Variants in AVEN observed in about 807,000 individuals in gnomAD.
The protein encoded by AVEN is cell death regulator Aven.
Under a neutral mutation model 38.1 loss-of-function variants are expected in AVEN, and 41 were observed. That is an observed-to-expected ratio of 1.08 (90% CI 0.84 to 1.40). AVEN has a LOEUF of 1.40. Ranked by LOEUF, AVEN falls within the 40% of genes most tolerant of loss-of-function variation. The pLI is 0.00. For synonymous variants in AVEN, 206 were observed against 171.8 expected (o/e 1.20, Z -1.56); for missense variants, 605 against 438.8 (o/e 1.38, Z -3.38).
chr15:33,881,930 G>C (rs1891501988), intron 2 of AVEN, among the ~76,000 whole-genome samples: 1 of 152,172 alleles, frequency 6.6e-6, no homozygotes, highest in Non-Finnish European at 1.5e-5. Context: ...AGTTGACAAG[G>C]GAACAAACAT....
At chr15:34,061,760 C>G (rs1429608499) in intron 5 of AVEN, among the ~76,000 whole-genome samples, 1 of 152,148 alleles carries the variant, frequency 6.6e-6, no homozygotes, top group African/African-American at 2.4e-5. Flanking sequence ...TCTTCAGCAG[C>G]TGGGGCAAAT....
chr15:33,867,964 C>T (rs1290792578), intron 4 of AVEN, 109 bp from the exon 5 acceptor site: 2 of 1,404,378 alleles, frequency 1.4e-6, no homozygotes, highest in Non-Finnish European at 1.9e-6. Flanking sequence ...ACAGAGGAAA[C>T]TCAATTCAGA....
At chr15:34,029,225 T>C (rs1898646406) in intron 1 of AVEN, among the ~76,000 whole-genome samples, 1 of 152,152 alleles carries the variant, frequency 6.6e-6, no homozygotes, top group Admixed American at 6.6e-5. Flanking sequence ...AAAAACCCTC[T>C]ACTTTAAGTT....
chr15:33,875,839 G>T, intron 3 of AVEN, 86 bp downstream of exon 3: 2 of 1,289,308 alleles, frequency 1.6e-6, no homozygotes, highest in Non-Finnish European at 1.1e-6. Flanking sequence ...TTTTCTACAT[G>T]AAGACTCTAT....
intron 2 of AVEN, among the ~76,000 whole-genome samples, chr15:33,888,720 A>T (rs1047488752): frequency 3.3e-5 from 5 of 152,134 alleles, no homozygotes; most frequent in African/African-American, 1.2e-4. Flanking sequence ...TTAATTTTAA[A>T]TTGCCTATGG....
At chr15:33,854,580 G>C (rs1294006044), downstream of AVEN, 6 of 1,056,296 alleles carry the variant, frequency 5.7e-6, no homozygotes, top group Non-Finnish European at 8.2e-6. Flanking sequence ...ATACGTGCTG[G>C]GGGAACACTT....
At chr15:33,969,425 A>G (rs1244602896) in intron 2 of AVEN, among the ~76,000 whole-genome samples, 3 of 152,022 alleles carry the variant, frequency 2.0e-5, no homozygotes, top group African/African-American at 4.8e-5. Flanking sequence ...TAATAGCTTG[A>G]AAAAAATGCA....
chr15:33,944,578 G>A lies in AVEN; in HGVS notation c.445+58454C>T, dbSNP rs577449786. ...TAATCCCAGCACTTTGGGAGGCCGAGGCGGGTGGATCACGAGGTCAGGAGA... is the reference window on the plus strand; with the variant it reads ...TAATCCCAGCACTTTGGGAGGCCGAAGCGGGTGGATCACGAGGTCAGGAGA... On this transcript the variant is annotated intron_variant, in intron 2 of 5. Transcript: ENST00000306730. Among the ~76,000 whole-genome samples the A allele has an allele frequency of 8.2e-3, 1,242 of 152,290 alleles. 10 individuals carry two copies. The highest frequency in any genetic ancestry group is 0.014 in the Non-Finnish European group (955 of 68,022).
intron 2 of AVEN, among the ~76,000 whole-genome samples, chr15:33,979,569 T>C (rs1479998122): frequency 6.6e-6 from 1 of 152,176 alleles, no homozygotes; most frequent in East Asian, 1.9e-4. Flanking sequence ...CCACAAATAC[T>C]TGTATGGCCT....
chr15:34,068,012 C>A (rs546246852), intron 2 of AVEN, among the ~76,000 whole-genome samples: 1 of 152,132 alleles, frequency 6.6e-6, no homozygotes, highest in Non-Finnish European at 1.5e-5. Context: ...TTTTTGAAAT[C>A]ATTTAAAATT....
At chr15:33,931,282 T>A (rs1278937810) in intron 2 of AVEN, among the ~76,000 whole-genome samples, 3 of 150,962 alleles carry the variant, frequency 2.0e-5, no homozygotes. Context: ...AGTCAACACA[T>A]AACCATCAAA....
At chr15:33,860,134 T>C (rs2080180136) in intron 11 of AVEN, among the ~76,000 whole-genome samples, 1 of 152,096 alleles carries the variant, frequency 6.6e-6, no homozygotes, top group Non-Finnish European at 1.5e-5. Flanking sequence ...CAACAGCTTG[T>C]CAAGATTGGA....
At chr15:34,045,731 G>C (rs1213313672) in intron 5 of AVEN, among the ~76,000 whole-genome samples, 1 of 14,648 alleles carries the variant, frequency 6.8e-5, no homozygotes, top group African/African-American at 1.3e-4. Flanking sequence ...AGAAAACGAA[G>C]GCCTAACCTC....
At chr15:33,870,802 T>C (rs557063528) in intron 4 of AVEN, 133 bp downstream of exon 4, 1 of 555,170 alleles carries the variant, frequency 1.8e-6, no homozygotes, top group African/African-American at 1.9e-5. Flanking sequence ...CTTTACAAAA[T>C]GCTACCTTGA....
At chr15:33,934,287 G>A (rs1893980953) in intron 2 of AVEN, among the ~76,000 whole-genome samples, 1 of 152,016 alleles carries the variant, frequency 6.6e-6, no homozygotes, top group Non-Finnish European at 1.5e-5. Context: ...TTGAGCCCAG[G>A]AGTTTGAGGC....
intron 11 of AVEN, chr15:33,861,003 G>A (rs1026382347): frequency 2.6e-5 from 30 of 1,145,750 alleles, no homozygotes; most frequent in Non-Finnish European, 3.5e-5. Flanking sequence ...CCTTCAATTC[G>A]ATAGAATCAT....
At chr15:33,879,082 G>T (rs549353143) in intron 2 of AVEN, among the ~76,000 whole-genome samples, 1 of 151,944 alleles carries the variant, frequency 6.6e-6, no homozygotes, top group Non-Finnish European at 1.5e-5. Flanking sequence ...AAATCATGCT[G>T]CTATAAAGAC....
intron 1 of AVEN, among the ~76,000 whole-genome samples, chr15:34,017,036 T>A (rs987111600): frequency 2.7e-5 from 4 of 148,816 alleles, no homozygotes; most frequent in South Asian, 2.1e-4. Context: ...GAGGCTGAGG[T>A]GGGAGGATCA....
chr15:34,002,948 T>C, intron 2 of AVEN, 84 bp downstream of exon 2: 1 of 1,251,084 alleles, frequency 8.0e-7, no homozygotes, highest in Non-Finnish European at 1.1e-6. Flanking sequence ...TTGCTAGTTA[T>C]AAAAGTAGAA....
Sources: gnomAD v4.1 joint callset for allele counts (sites outside exome capture counted in the v4.1 genomes callset) on GRCh38, gnomAD v4.1.1 for gene constraint, MANE v1.5 for transcripts, NCBI Gene and HGNC (gene_info 2026-07-23, HGNC 2026-07-21) for gene names.